Variants in EXOC6B observed in about 807,000 individuals in gnomAD.
The protein encoded by EXOC6B is SEC15 homolog B.
A neutral mutation model predicts 113.5 loss-of-function variants in EXOC6B; 54 were observed. The observed-to-expected ratio is 0.48, with a 90% CI of 0.38 to 0.60. The LOEUF (loss-of-function observed/expected upper bound fraction) is 0.60. Among genes scored for constraint, EXOC6B ranks in the 20% least tolerant of loss-of-function variants. The pLI is 0.00. For synonymous variants in EXOC6B, 357 were observed against 339.0 expected, an observed-to-expected ratio of 1.05 and a Z score of -0.58; for missense variants, 797 against 977.5, an observed-to-expected ratio of 0.82 and a Z score of 2.46.
intron 20 of EXOC6B, among the ~76,000 whole-genome samples, chr2:72,220,331 C>A (rs1191721052): frequency 6.6e-6 from 1 of 152,096 alleles, no homozygotes; most frequent in South Asian, 2.1e-4. Flanking sequence ...TGAGCCCAAG[C>A]AGATGTGTTG....
At chr2:72,401,667 GTATA>G (rs1244443202) in intron 18 of EXOC6B, among the ~76,000 whole-genome samples, 1 of 24,128 alleles carries the variant, frequency 4.1e-5, no homozygotes, top group African/African-American at 3.1e-4. Flanking sequence ...ATATATATAT[GTATA>G]TATATATATA....
At chr2:72,785,478 C>T (rs1381341946) in intron 1 of EXOC6B, among the ~76,000 whole-genome samples, 4 of 152,276 alleles carry the variant, frequency 2.6e-5, no homozygotes, top group Non-Finnish European at 5.9e-5. Flanking sequence ...CCTGGGCATC[C>T]AGGCGTTTCC....
chr2:72,321,200 A>G (rs1006413598), intron 20 of EXOC6B, among the ~76,000 whole-genome samples: 12 of 152,218 alleles, frequency 7.9e-5, no homozygotes, highest in African/African-American at 1.7e-4. Context: ...TACACTTACT[A>G]TATGACCCAG....
At chr2:72,674,312 T>C (rs1676122712) in intron 6 of EXOC6B, among the ~76,000 whole-genome samples, 1 of 152,212 alleles carries the variant, frequency 6.6e-6, no homozygotes, top group Admixed American at 6.5e-5. Flanking sequence ...CAAGTGTTGC[T>C]CTATGATTAA....
intron 18 of EXOC6B, among the ~76,000 whole-genome samples, chr2:72,408,126 G>C (rs1693911253): frequency 1.3e-5 from 2 of 152,096 alleles, no homozygotes; most frequent in African/African-American, 4.8e-5. Flanking sequence ...TTGCTTTAAA[G>C]AGAATAAAAT....
chr2:72,654,100 G>C (rs1674418493), intron 6 of EXOC6B, among the ~76,000 whole-genome samples: 1 of 151,868 alleles, frequency 6.6e-6, no homozygotes. Flanking sequence ...CTCCCGAGTA[G>C]CTGGGACTAT....
At chr2:72,822,096 T>G (rs774614186) in intron 1 of EXOC6B, among the ~76,000 whole-genome samples, 1 of 152,180 alleles carries the variant, frequency 6.6e-6, no homozygotes, top group South Asian at 2.1e-4. Flanking sequence ...AAATGACTTC[T>G]ACTGAGTAAG....
intron 1 of EXOC6B, among the ~76,000 whole-genome samples, chr2:72,748,472 T>G (rs967999224): frequency 2.6e-5 from 4 of 152,030 alleles, no homozygotes; most frequent in African/African-American, 9.7e-5. Flanking sequence ...AGTATTGTAA[T>G]CTGGATGCTC....
chr2:72,470,589 G>A (rs1031330374), intron 17 of EXOC6B, among the ~76,000 whole-genome samples: 2 of 151,806 alleles, frequency 1.3e-5, no homozygotes, highest in African/African-American at 2.4e-5. Context: ...TTAGCATTAG[G>A]TATATTTCCT....
At chr2:72,780,459 G>A (rs1683961338) in intron 1 of EXOC6B, among the ~76,000 whole-genome samples, 1 of 151,950 alleles carries the variant, frequency 6.6e-6, no homozygotes, top group Non-Finnish European at 1.5e-5. Context: ...TTTATCTTCA[G>A]AACAGTATAG....
intron 20 of EXOC6B, among the ~76,000 whole-genome samples, chr2:72,194,517 A>G (rs1317582816): frequency 6.7e-6 from 1 of 149,644 alleles, no homozygotes; most frequent in African/African-American, 2.5e-5. Context: ...CAACCCCTCA[A>G]TCCCGGTCTT....
At chr2:72,432,537 C>G (rs1390186822) in intron 18 of EXOC6B, among the ~76,000 whole-genome samples, 1 of 152,206 alleles carries the variant, frequency 6.6e-6, no homozygotes, top group African/African-American at 2.4e-5. Context: ...TTTACACTCC[C>G]ACCAGGAGTG....
At chr2:72,810,342 A>C (rs1188923401) in intron 1 of EXOC6B, among the ~76,000 whole-genome samples, 1 of 110,622 alleles carries the variant, frequency 9.0e-6, no homozygotes, top group East Asian at 2.1e-4. Flanking sequence ...CTCTAAAATA[A>C]ATAAATAAAT....
chr2:72,476,649 C>CCTT (rs143002973), intron 17 of EXOC6B, among the ~76,000 whole-genome samples: 23,754 of 151,854 alleles, frequency 0.16, 2,561 homozygotes, highest in African/African-American at 0.31. Context: ...CTTTTCTTTT[C>CCTT]CTTTTTTTAG....
chr2:72,755,382 C>G (rs960787372), intron 1 of EXOC6B, among the ~76,000 whole-genome samples: 11 of 152,090 alleles, frequency 7.2e-5, no homozygotes, highest in African/African-American at 2.7e-4. Flanking sequence ...ATTTACATGT[C>G]TATCTCCCCT....
intron 20 of EXOC6B, among the ~76,000 whole-genome samples, chr2:72,215,775 A>G (rs953737438): frequency 1.3e-5 from 2 of 152,170 alleles, no homozygotes; most frequent in Non-Finnish European, 2.9e-5. Context: ...GATTGGAAAC[A>G]GGGGAGGAGA....
At chr2:72,447,572 A>C (rs986657901) in intron 18 of EXOC6B, among the ~76,000 whole-genome samples, 2 of 152,348 alleles carry the variant, frequency 1.3e-5, no homozygotes, top group Admixed American at 6.5e-5. Context: ...TCAATACATT[A>C]GGTGTGGCTA....
chr2:72,304,265 T>A (rs78267944), intron 20 of EXOC6B, among the ~76,000 whole-genome samples: 1,698 of 152,354 alleles, frequency 0.011, 12 homozygotes, highest in Middle Eastern at 0.034. Flanking sequence ...CACAATACTA[T>A]AATGAACATT....
intron 1 of EXOC6B, among the ~76,000 whole-genome samples, chr2:72,800,658 T>C (rs2105079714): frequency 6.6e-6 from 1 of 152,092 alleles, no homozygotes; most frequent in East Asian, 1.9e-4. Context: ...CACACAAAGA[T>C]AAAGTGACTC....
Sources: gnomAD v4.1 joint callset for allele counts (sites outside exome capture counted in the v4.1 genomes callset) on GRCh38, gnomAD v4.1.1 for gene constraint, MANE v1.5 for transcripts, NCBI Gene and HGNC (gene_info 2026-07-23, HGNC 2026-07-21) for gene names.